Variants in DAPK2 observed in about 807,000 individuals in gnomAD.
DAPK2 encodes death-associated protein kinase 2.
A neutral mutation model predicts 44.1 loss-of-function variants in DAPK2; 35 were observed. That is an observed-to-expected ratio of 0.79 (90% CI 0.61 to 1.05). DAPK2 has a LOEUF of 1.05. Ranked by LOEUF, DAPK2 falls within the 50% of genes least tolerant of loss-of-function variation. The probability of loss-of-function intolerance (pLI) is 0.00; values close to 1 mark genes in which losing one functional copy is unlikely to be tolerated. For synonymous variants in DAPK2, 174 were observed against 182.6 expected (o/e 0.95, Z 0.38); for missense variants, 453 against 483.2 (o/e 0.94, Z 0.59).
chr15:64,007,135 A>AG (rs1431585449), intron 1 of DAPK2, among the ~76,000 whole-genome samples: 192 of 151,898 alleles, frequency 1.3e-3, no homozygotes, highest in Non-Finnish European at 2.3e-3. Flanking sequence ...ATTGAAAAAA[A>AG]AATTTTTTTT....
intron 1 of DAPK2, among the ~76,000 whole-genome samples, chr15:63,999,201 A>G (rs1356061887): frequency 3.3e-5 from 5 of 152,150 alleles, no homozygotes; most frequent in Admixed American, 6.5e-5. Flanking sequence ...GTAAGAAGCA[A>G]ACTAATTTGG....
At chr15:64,032,300 C>T (rs148099494) in intron 1 of DAPK2, among the ~76,000 whole-genome samples, 5 of 152,220 alleles carry the variant, frequency 3.3e-5, no homozygotes, top group South Asian at 2.1e-4. Flanking sequence ...TCAGAGTCAC[C>T]GTGTTTGATC....
chr15:64,024,105 A>G (rs2079766933), intron 1 of DAPK2, among the ~76,000 whole-genome samples: 1 of 152,198 alleles, frequency 6.6e-6, no homozygotes, highest in Non-Finnish European at 1.5e-5. Context: ...GTCAGAAGTC[A>G]AAGAAGCAGA....
chr15:64,014,927 CAA>C (rs5813274), intron 1 of DAPK2, among the ~76,000 whole-genome samples: 5,134 of 120,286 alleles, frequency 0.043, 98 homozygotes, highest in Middle Eastern at 0.073. Flanking sequence ...GACTCCATCT[CAA>C]AAAAAAAAAA....
upstream of DAPK2, among the ~76,000 whole-genome samples, chr15:64,042,041 G>C (rs531791484): frequency 6.6e-6 from 1 of 152,140 alleles, no homozygotes; most frequent in African/African-American, 2.4e-5. The surrounding 1 kb of genome is among the most constrained non-coding windows in gnomAD (Gnocchi z 4.7). Context: ...CCAGACTAGC[G>C]TGAGTGTATA....
chr15:64,041,163 C>G (rs1490665403), upstream of DAPK2, among the ~76,000 whole-genome samples: 1 of 152,230 alleles, frequency 6.6e-6, no homozygotes, highest in African/African-American at 2.4e-5. Context: ...TCTGTAAACT[C>G]TCTCACTCAT....
intron 6 of DAPK2, among the ~76,000 whole-genome samples, chr15:63,927,895 C>T (rs940634006): frequency 6.6e-6 from 1 of 152,144 alleles, no homozygotes; most frequent in Non-Finnish European, 1.5e-5. Flanking sequence ...CAGATGTGTG[C>T]CACCACACCT....
At chr15:63,910,438 G>A (rs143529852) in intron 10 of DAPK2, among the ~76,000 whole-genome samples, 11 of 152,296 alleles carry the variant, frequency 7.2e-5, no homozygotes, top group African/African-American at 2.6e-4. Context: ...AGACATTCCT[G>A]AGCACCCTAC....
At chr15:63,941,837 C>T (rs1193913352) in intron 3 of DAPK2, among the ~76,000 whole-genome samples, 1 of 152,068 alleles carries the variant, frequency 6.6e-6, no homozygotes, top group East Asian at 1.9e-4. Context: ...GGAAAGTGGC[C>T]CCACTCTAGC....
Position 63,946,387 on chromosome 15 carries a change from C to T in DAPK2, c.454-7026G>A, listed in dbSNP as rs568507630. ...CAAAGGCAAGTCTGGGTTCAAATCC[C>T]AGCTCTGCTGTTCACAGTATGAAAA... is the stretch of plus-strand genomic sequence containing the variant. On this transcript the variant is annotated intron_variant, in intron 3 of 10. Coordinates refer to ENST00000261891, the Ensembl canonical transcript of DAPK2. Among the ~76,000 whole-genome samples the T allele has an allele frequency of 7.2e-5, 11 of 152,366 alleles. No homozygotes were observed. The South Asian group carries it at 2.1e-3, about 29-fold the overall frequency.
At chr15:64,010,941 C>T (rs559336432) in intron 1 of DAPK2, among the ~76,000 whole-genome samples, 3 of 152,298 alleles carry the variant, frequency 2.0e-5, no homozygotes, top group East Asian at 3.9e-4. Context: ...ATCTGCAGGG[C>T]ACCAGCAACC....
At chr15:63,950,420 G>A (rs888360684) in intron 3 of DAPK2, among the ~76,000 whole-genome samples, 4 of 150,764 alleles carry the variant, frequency 2.7e-5, no homozygotes, top group African/African-American at 9.7e-5. Flanking sequence ...GACTCACTCT[G>A]TTACCCAGGC....
chr15:63,953,488 A>G (rs2077644700), intron 3 of DAPK2, among the ~76,000 whole-genome samples: 1 of 152,154 alleles, frequency 6.6e-6, no homozygotes, highest in African/African-American at 2.4e-5. Context: ...TTATTTGTGT[A>G]TATTTACCAC....
rs185060614 is a variant in DAPK2, at chr15:63,957,236, C to T, written c.453+14187G>A. 3.2e-3 allele frequency among the ~76,000 whole-genome samples: 490 copies of T among 152,220 alleles called. 1 individual carries two copies. The highest frequency in any genetic ancestry group is 8.3e-3 in the South Asian group (40 of 4,828). ...TTGTCTGATGTAAATATAGCTACTCCTGCTCTTTTTTAGTTTCCATTGGCC... is the reference window on the plus strand; with the variant it reads ...TTGTCTGATGTAAATATAGCTACTCTTGCTCTTTTTTAGTTTCCATTGGCC... On this transcript the variant is annotated intron_variant, in intron 3 of 10. Coordinates refer to ENST00000261891, the Ensembl canonical transcript of DAPK2.
chr15:64,019,635 A>T (rs550946752), intron 1 of DAPK2, among the ~76,000 whole-genome samples: 9 of 152,356 alleles, frequency 5.9e-5, no homozygotes, highest in African/African-American at 1.9e-4. Flanking sequence ...GTTTCTAGAG[A>T]ATGCCACAGT....
Position 63,925,784 on chromosome 15 carries a change from G to A in DAPK2, c.812+157C>T, listed in dbSNP as rs140915422. Among the ~76,000 whole-genome samples, 991 of 151,752 alleles carry A rather than the reference G, an allele frequency of 6.5e-3. 6 individuals are homozygous for A. The highest frequency in any genetic ancestry group is 0.011 in the Non-Finnish European group (764 of 67,970). On this transcript the variant is annotated intron_variant, in intron 7 of 10. Transcript: ENST00000261891. ...CTTGAGCAAACAAGATGAATGCCAC[G>A]TCTTGGCTAGGCCACACTTTCCAGC...
chr15:64,039,032 T>C (rs2080286388), intron 1 of DAPK2, among the ~76,000 whole-genome samples: 1 of 152,144 alleles, frequency 6.6e-6, no homozygotes, highest in African/African-American at 2.4e-5. Flanking sequence ...TTGCTTAGAG[T>C]TGGAGTTGTC....
In DAPK2 at chr15:64,021,558, A is replaced by G. The variant is rs1352448671; in HGVS notation, c.92+18612T>C. On this transcript the variant is annotated intron_variant, in intron 1 of 10. Coordinates refer to ENST00000261891, the Ensembl canonical transcript of DAPK2. ...TTGAGTGCCTACTGTGGATCCAGCCATATGCTAGAGGTGGAAGGGACACAA... is the reference window on the plus strand; with the variant it reads ...TTGAGTGCCTACTGTGGATCCAGCCGTATGCTAGAGGTGGAAGGGACACAA... 2.0e-5 allele frequency among the ~76,000 whole-genome samples: 3 copies of G among 152,310 alleles called. No homozygotes were observed. The East Asian group carries it at 5.8e-4, about 29-fold the overall frequency.
chr15:64,007,637 G>A (rs1336745496), intron 1 of DAPK2, among the ~76,000 whole-genome samples: 2 of 152,214 alleles, frequency 1.3e-5, no homozygotes, highest in African/African-American at 4.8e-5. Context: ...CCTGATGCCT[G>A]CAGTTTGTTT....
Sources: gnomAD v4.1 joint callset for allele counts (sites outside exome capture counted in the v4.1 genomes callset) on GRCh38, gnomAD v4.1.1 for gene constraint, Gnocchi (gnomAD v3.1) non-coding constraint, MANE v1.5 for transcripts, NCBI Gene and HGNC (gene_info 2026-07-23, HGNC 2026-07-21) for gene names.